The following AMPH variants were observed in gnomAD, a reference collection of about 807,000 sequenced individuals.
AMPH encodes the protein amphiphysin.
Under a neutral mutation model 99.1 loss-of-function variants are expected in AMPH, and 49 were observed. That is an observed-to-expected ratio of 0.49 (90% CI 0.39 to 0.63). The LOEUF is 0.63. Among genes scored for constraint, AMPH ranks in the 20% least tolerant of loss-of-function variants. The pLI, the probability that AMPH is intolerant of heterozygous loss-of-function variation, is 0.00. For missense variants in AMPH, 759 were observed against 863.4 expected (o/e 0.88, Z 1.52); for synonymous variants, 314 against 317.3 (o/e 0.99, Z 0.11).
intron 15 of AMPH, among the ~76,000 whole-genome samples, chr7:38,425,216 C>G (rs1475216369): frequency 6.6e-6 from 1 of 152,132 alleles, no homozygotes; most frequent in African/African-American, 2.4e-5. Context: ...TGAAGGCAGT[C>G]CCCATGACCA....
chr7:38,452,189 C>T (rs1207726907), intron 11 of AMPH, among the ~76,000 whole-genome samples: 3 of 152,258 alleles, frequency 2.0e-5, no homozygotes, highest in East Asian at 3.9e-4. Flanking sequence ...AACACAAATG[C>T]TTTTCTTCCC....
At chr7:38,472,922 C>T (rs369597172) in intron 7 of AMPH, among the ~76,000 whole-genome samples, 2 of 152,160 alleles carry the variant, frequency 1.3e-5, no homozygotes, top group African/African-American at 2.4e-5. Context: ...AATTACTTTA[C>T]TTTGAATAAC....
At chr7:38,477,473 A>C (rs1788130237) in intron 5 of AMPH, among the ~76,000 whole-genome samples, 1 of 152,152 alleles carries the variant, frequency 6.6e-6, no homozygotes, top group South Asian at 2.1e-4. Context: ...AATCCCCTGG[A>C]CTAATGTGTC....
chr7:38,546,932 C>A (rs560709766), intron 1 of AMPH, among the ~76,000 whole-genome samples: 25 of 152,278 alleles, frequency 1.6e-4, no homozygotes, highest in Admixed American at 1.5e-3. Context: ...CCCTAAGAAC[C>A]GCATCCTGCC....
At position 38,466,176 on chromosome 7, in the gene AMPH, C is replaced by G; in HGVS notation, c.663G>C (p.Ala221=). Residue 221 remains alanine (A), a synonymous_variant, in exon 8 of 21, where the codon GCG becomes GCC. Coordinates refer to ENST00000356264, the MANE Select transcript of AMPH (RefSeq NM_001635.4). ...AAAAATTATCGTCATGACTCACCAC[C>G]GCAATTTCCTTATGAAACTTGGCTT... The part of the protein sequence containing the change: ...SLEAKFHKEI[A]VLCHKLYEVM... 6.2e-7 allele frequency: 1 copy of G among 1,601,986 alleles called. No individual in the cohort carries two copies. Among genetic ancestry groups the G allele is most frequent in the Non-Finnish European group, 8.5e-7 (1 of 1,176,374 alleles).
At chr7:38,523,638 G>T (rs1379835055) in intron 2 of AMPH, among the ~76,000 whole-genome samples, 1 of 152,002 alleles carries the variant, frequency 6.6e-6, no homozygotes, top group African/African-American at 2.4e-5. Flanking sequence ...AATTAATTAA[G>T]AAAGAAAAAT....
rs568976822 is a variant in AMPH at position 38,614,150 on chromosome 7, T to C, written c.69+17133A>G. ...GATGAGAGCTTAGCCACATGACACA[T>C]CTAGCCACAAATGATGCTGTGAAAT... is the stretch of plus-strand genomic sequence containing the variant. On this transcript the variant is annotated intron_variant, in intron 1 of 20. Coordinates refer to ENST00000356264, the MANE Select transcript of AMPH (RefSeq NM_001635.4). Among the ~76,000 whole-genome samples the C allele has an allele frequency of 7.2e-5, 11 of 152,276 alleles. No homozygotes were observed. The East Asian group carries it at 1.9e-3, about 27-fold the overall frequency.
At chr7:38,577,800 A>C (rs1369226739) in intron 1 of AMPH, among the ~76,000 whole-genome samples, 4 of 151,624 alleles carry the variant, frequency 2.6e-5, no homozygotes, top group Non-Finnish European at 4.4e-5. Context: ...GGGAGGGAAA[A>C]AGAGAAAGAA....
intron 1 of AMPH, among the ~76,000 whole-genome samples, chr7:38,612,079 G>C (rs932728056): frequency 2.4e-5 from 3 of 124,402 alleles, no homozygotes; most frequent in African/African-American, 9.4e-5. Context: ...CTGATTTTTT[G>C]TCTTCTTCTT....
chr7:38,394,877 A>G, intron 17 of AMPH, among the ~76,000 whole-genome samples: 1 of 152,178 alleles, frequency 6.6e-6, no homozygotes, highest in East Asian at 1.9e-4. Context: ...TTTTTAAAAA[A>G]ATTATTTCCT....
intron 16 of AMPH, among the ~76,000 whole-genome samples, chr7:38,420,564 C>G (rs998508714): frequency 2.6e-5 from 4 of 152,188 alleles, no homozygotes; most frequent in African/African-American, 9.7e-5. Flanking sequence ...ACTCTGAGGA[C>G]CATAAACCAA....
intron 11 of AMPH, among the ~76,000 whole-genome samples, chr7:38,451,651 G>C (rs998295756): frequency 1.3e-5 from 2 of 152,026 alleles, no homozygotes; most frequent in Non-Finnish European, 2.9e-5. Context: ...TAAACATGCC[G>C]ATGTAAACTG....
intron 1 of AMPH, among the ~76,000 whole-genome samples, chr7:38,591,932 A>G (rs924914612): frequency 6.6e-6 from 1 of 152,214 alleles, no homozygotes; most frequent in African/African-American, 2.4e-5. Context: ...AGACACACAC[A>G]CAGAAATATA....
At chr7:38,500,843 GACTT>G (rs1485974661) in intron 3 of AMPH, among the ~76,000 whole-genome samples, 2 of 152,148 alleles carry the variant, frequency 1.3e-5, no homozygotes, top group African/African-American at 2.4e-5. Flanking sequence ...AATTCTCTGA[GACTT>G]ACTTCTTTGC....
At chr7:38,594,680 A>T (rs2129059198) in intron 1 of AMPH, among the ~76,000 whole-genome samples, 1 of 152,272 alleles carries the variant, frequency 6.6e-6, no homozygotes, top group East Asian at 1.9e-4. Context: ...TTCTAGAGAA[A>T]TATGAAATCG....
At chr7:38,402,366 T>A (rs967162920) in intron 17 of AMPH, among the ~76,000 whole-genome samples, 9 of 152,254 alleles carry the variant, frequency 5.9e-5, no homozygotes, top group African/African-American at 2.2e-4. Context: ...GCAATAATTA[T>A]TTTTTCTTTT....
chr7:38,441,761 C>G (rs1180312338), intron 11 of AMPH, among the ~76,000 whole-genome samples: 1 of 124,820 alleles, frequency 8.0e-6, no homozygotes, highest in East Asian at 2.1e-4. Context: ...ATATATATAT[C>G]ATATATATGA....
intron 11 of AMPH, among the ~76,000 whole-genome samples, chr7:38,447,558 AG>A (rs1321332244): frequency 3.9e-5 from 6 of 152,158 alleles, no homozygotes; most frequent in African/African-American, 1.4e-4. Flanking sequence ...ATGCATCTGT[AG>A]GTAGTTTGCA....
In AMPH at chr7:38,417,293, T is replaced by A. The variant is rs544693426; in HGVS notation, c.1398+532A>T. Among the ~76,000 whole-genome samples, 57 of 142,214 alleles carry A rather than the reference T, an allele frequency of 4.0e-4. No homozygotes were observed. The South Asian group carries it at 0.012, about 31-fold the overall frequency. The allele number at this position is 142,214 out of a possible 152,430, so 93.3% of individuals were successfully genotyped here. A position where few individuals can be genotyped will look rare whatever the true frequency, so the allele number is the denominator to read the frequency against. On this transcript the variant is annotated intron_variant, in intron 17 of 20. Transcript: ENST00000356264. ...ATCCCAGCACAAAAACAAAACATCC[T>A]CAAGGTCCGTATTATTATGAGTCAT...
Sources: gnomAD v4.1 joint callset for allele counts (sites outside exome capture counted in the v4.1 genomes callset) on GRCh38, gnomAD v4.1.1 for gene constraint, MANE v1.5 for transcripts, NCBI Gene and HGNC (gene_info 2026-07-23, HGNC 2026-07-21) for gene names.